The following MARCHF1 variants were observed in gnomAD, a reference collection of about 807,000 sequenced individuals.
MARCHF1 encodes the protein membrane associated ring-CH-type finger 1, also known as E3 ubiquitin-protein ligase MARCHF1.
Under a neutral mutation model 54.2 loss-of-function variants are expected in MARCHF1, and 40 were observed. The observed-to-expected ratio is 0.74, with a 90% CI of 0.57 to 0.96. The LOEUF is 0.96. MARCHF1 is among the 40% of genes least tolerant of loss of function. The pLI, the probability that MARCHF1 is intolerant of heterozygous loss-of-function variation, is 0.00. For synonymous variants in MARCHF1, 236 were observed against 236.3 expected (o/e 1.00, Z 0.01); for missense variants, 586 against 656.5 (o/e 0.89, Z 1.17).
intron 7 of MARCHF1, among the ~76,000 whole-genome samples, chr4:163,590,963 C>T (rs1379701827): frequency 6.6e-6 from 1 of 151,660 alleles, no homozygotes; most frequent in African/African-American, 2.4e-5. Context: ...GTTTCAAGTT[C>T]ATCATCAGTA....
At chr4:164,064,799 CTTA>C (rs1424781212) in intron 2 of MARCHF1, among the ~76,000 whole-genome samples, 4 of 151,986 alleles carry the variant, frequency 2.6e-5, no homozygotes, top group Non-Finnish European at 5.9e-5. Context: ...ATATATGGCT[CTTA>C]TTATTTTGAG....
intron 1 of MARCHF1, among the ~76,000 whole-genome samples, chr4:164,198,177 C>T (rs1731334588): frequency 6.6e-6 from 1 of 152,036 alleles, no homozygotes; most frequent in African/African-American, 2.4e-5. Flanking sequence ...GTGAGATCTC[C>T]CCTCAAATGA....
At chr4:163,615,717 A>G (rs1355564843) in intron 5 of MARCHF1, among the ~76,000 whole-genome samples, 1 of 152,172 alleles carries the variant, frequency 6.6e-6, no homozygotes, top group Non-Finnish European at 1.5e-5. Context: ...GAAGAAATAG[A>G]AAAAACAATC....
At chr4:164,089,121 C>A (rs1367979527) in intron 2 of MARCHF1, among the ~76,000 whole-genome samples, 1 of 152,020 alleles carries the variant, frequency 6.6e-6, no homozygotes, top group Non-Finnish European at 1.5e-5. Context: ...GCAATATTAT[C>A]CTTTACTTGT....
At chr4:163,879,298 T>A (rs1228119897) in intron 3 of MARCHF1, among the ~76,000 whole-genome samples, 2 of 152,200 alleles carry the variant, frequency 1.3e-5, no homozygotes, top group Admixed American at 6.6e-5. Context: ...AACATCAGCA[T>A]GGCTGCCAAC....
At chr4:163,708,851 A>T (rs186410480) in intron 4 of MARCHF1, among the ~76,000 whole-genome samples, 1 of 152,274 alleles carries the variant, frequency 6.6e-6, no homozygotes, top group Non-Finnish European at 1.5e-5. Flanking sequence ...CTTAAAAAGC[A>T]AAAGAGAATG....
intron 1 of MARCHF1, among the ~76,000 whole-genome samples, chr4:164,153,125 AAT>A (rs10541841): frequency 0.77 from 117,203 of 151,904 alleles, 46,744 homozygotes; most frequent in Non-Finnish European, 0.88. Context: ...ATCAACAGAG[AAT>A]ATATATATAT....
At chr4:164,013,117 T>C (rs1214874317) in intron 2 of MARCHF1, among the ~76,000 whole-genome samples, 2 of 152,142 alleles carry the variant, frequency 1.3e-5, no homozygotes, top group Non-Finnish European at 2.9e-5. Context: ...TCAAAATTGT[T>C]GTATTGAGGA....
chr4:163,803,505 C>T lies in MARCHF1; in HGVS notation c.111+50516G>A, dbSNP rs369932124. 2.0e-3 allele frequency among the ~76,000 whole-genome samples: 299 copies of T among 152,286 alleles called. 1 individual carries two copies. Among genetic ancestry groups the T allele is most frequent in the African/African-American group, 7.0e-3 (289 of 41,558 alleles). On this transcript the variant is annotated intron_variant, in intron 4 of 9. Coordinates refer to ENST00000514618, the MANE Select transcript of MARCHF1 (RefSeq NM_001394959.1). The stretch of plus-strand genomic sequence containing the variant: ...ATTATTACGGAGTATACTCATTCAC[C>T]ATCCTGAATCCATAGGTGTCTTTAA...
intron 1 of MARCHF1, among the ~76,000 whole-genome samples, chr4:164,318,514 AAGAG>A (rs1735059513): frequency 8.2e-6 from 1 of 122,374 alleles, no homozygotes; most frequent in African/African-American, 3.1e-5. Context: ...GCATCCTACA[AAGAG>A]AGAGAAAACA....
At position 163,799,894 on chromosome 4, in the gene MARCHF1, A is replaced by G. The variant is rs1214942695; in HGVS notation, c.111+54127T>C. 2.6e-5 allele frequency among the ~76,000 whole-genome samples: 4 copies of G among 152,138 alleles called. No homozygotes were observed. The East Asian group carries it at 7.7e-4, about 29-fold the overall frequency. ...AAACATGAAATCAACCTAGCTGACC[A>G]TAAATGGTGAACTAGATAGAGAAAA... On this transcript the variant is annotated intron_variant, in intron 4 of 9. Transcript: ENST00000514618.
chr4:163,618,696 G>T lies in MARCHF1; in HGVS notation c.163-5303C>A, dbSNP rs112872734. Among the ~76,000 whole-genome samples, 61 of 152,212 alleles carry T rather than the reference G, an allele frequency of 4.0e-4. 1 individual carries two copies. The highest frequency in any genetic ancestry group is 1.4e-3 in the African/African-American group (59 of 41,532). ...AAAATGAATCCTAGCTTGTTTCACT[G>T]TCGATTCATTTGCTCAGCAAACAAA... is the stretch of plus-strand genomic sequence containing the variant. On this transcript the variant is annotated intron_variant, in intron 5 of 9. Coordinates refer to ENST00000514618, the MANE Select transcript of MARCHF1 (RefSeq NM_001394959.1).
In MARCHF1 at chr4:163,632,832, G is replaced by A. The variant is rs1388438491; in HGVS notation, c.163-19439C>T. On this transcript the variant is annotated intron_variant, in intron 5 of 9. Coordinates refer to ENST00000514618, the MANE Select transcript of MARCHF1 (RefSeq NM_001394959.1). ...CAAAAAGACAGCAGTAACCTCTGCA[G>A]ACTTAAATGTCCCTGTCTGACAGCT... Among the ~76,000 whole-genome samples, 7 of 152,368 alleles carry A rather than the reference G, an allele frequency of 4.6e-5. No homozygotes were observed. The South Asian group carries it at 1.2e-3, about 27-fold the overall frequency.
chr4:163,939,489 G>T (rs1018388119), intron 3 of MARCHF1, among the ~76,000 whole-genome samples: 1 of 152,134 alleles, frequency 6.6e-6, no homozygotes, highest in African/African-American at 2.4e-5. Flanking sequence ...TCTGTAGTGG[G>T]TGGTCTGTGA....
chr4:164,035,679 A>G (rs1174312794), intron 2 of MARCHF1, among the ~76,000 whole-genome samples: 2 of 149,684 alleles, frequency 1.3e-5, no homozygotes, highest in South Asian at 2.2e-4. Flanking sequence ...TCACACAGAC[A>G]AAAAAAATAA....
At chr4:163,972,647 C>T (rs996690018) in intron 3 of MARCHF1, among the ~76,000 whole-genome samples, 12 of 152,014 alleles carry the variant, frequency 7.9e-5, no homozygotes, top group Admixed American at 3.3e-4. Flanking sequence ...CCTGGGTTCA[C>T]GCCATTCTCC....
chr4:163,860,322 G>T (rs1457249543), intron 3 of MARCHF1, among the ~76,000 whole-genome samples: 1 of 152,056 alleles, frequency 6.6e-6, no homozygotes, highest in Non-Finnish European at 1.5e-5. Flanking sequence ...CACTTTCCTG[G>T]GTTTTACTGC....
At chr4:164,055,265 G>A (rs1375927204) in intron 2 of MARCHF1, 1 of 152,090 alleles carries the variant, frequency 6.6e-6, no homozygotes, top group Non-Finnish European at 1.5e-5. Flanking sequence ...GCAACATGCT[G>A]AAACCCCATC....
intron 3 of MARCHF1, among the ~76,000 whole-genome samples, chr4:163,882,234 T>C (rs188543048): frequency 2.5e-4 from 38 of 152,324 alleles, no homozygotes; most frequent in African/African-American, 7.9e-4. Flanking sequence ...CAGGATTGTG[T>C]CTCTGGGATT....
Sources: gnomAD v4.1 joint callset for allele counts (sites outside exome capture counted in the v4.1 genomes callset) on GRCh38, gnomAD v4.1.1 for gene constraint, MANE v1.5 for transcripts, NCBI Gene and HGNC (gene_info 2026-07-23, HGNC 2026-07-21) for gene names.